The following DCAF5 variants were observed in gnomAD, a reference collection of about 807,000 sequenced individuals.
DCAF5 encodes the protein DDB1 and CUL4 associated factor 5, also known as DDB1- and CUL4-associated factor 5.
In DCAF5, 9 loss-of-function variants were observed where a neutral mutation model predicts 80.7. The ratio of observed to expected loss-of-function variants is 0.11; its 90% CI spans 0.07 to 0.19. DCAF5 has a LOEUF of 0.19. Ranked by LOEUF, DCAF5 falls within the 10% of genes least tolerant of loss-of-function variation. DCAF5 has a pLI of 1.00. For synonymous variants in DCAF5, 433 were observed against 461.9 expected, an observed-to-expected ratio of 0.94 and a Z score of 0.80; for missense variants, 842 against 1,205.7, an observed-to-expected ratio of 0.70 and a Z score of 4.47.
intron 1 of DCAF5, among the ~76,000 whole-genome samples, chr14:69,146,544 T>G (rs56788993): frequency 0.015 from 2,283 of 152,290 alleles, 44 homozygotes; most frequent in East Asian, 0.056. Flanking sequence ...AAGAGCATTT[T>G]TGCTGTATTA....
intron 7 of DCAF5, among the ~76,000 whole-genome samples, chr14:69,074,065 C>T (rs577505956): frequency 3.0e-4 from 45 of 152,320 alleles, no homozygotes; most frequent in African/African-American, 1.0e-3. Flanking sequence ...AACTAGACCA[C>T]AGCAAATGTT....
Position 69,051,935 on chromosome 14 carries a change from T to C in DCAF5, c.*1922A>G, listed in dbSNP as rs2037775734. 6.6e-6 allele frequency: 1 copy of C among 152,640 alleles called. No individual in the cohort carries two copies. The highest frequency in any genetic ancestry group is 6.5e-5 in the Admixed American group (1 of 15,286). The allele number at this position is 152,640 out of a possible 1,614,324, so 9.5% of individuals were successfully genotyped here. ...GCAAATGTAAAATGACTTGGGCTTA[T>C]AAAACCAGCATTTACAATTATCTGT... On this transcript the variant is annotated 3_prime_UTR_variant, in exon 9 of 9. Transcript: ENST00000341516.
rs1470708287 is a variant in DCAF5 at position 69,118,447 on chromosome 14, G to GT, written c.396-170dup. On this transcript the variant is annotated intron_variant, in intron 3 of 8. Coordinates refer to ENST00000341516, the MANE Select transcript of DCAF5 (RefSeq NM_003861.3). The surrounding 1 kb of genome is among the most constrained non-coding windows in gnomAD (Gnocchi z 4.0). ...TGAAAGGTAGGTAGTCAACTTTCAG[G>GT]TTAAAAAAAAGGTACTATTAAGGAG... is the stretch of plus-strand genomic sequence containing the variant. Among the ~76,000 whole-genome samples the GT allele has an allele frequency of 2.0e-5, 3 of 151,906 alleles. No individual in the cohort carries two copies. Among genetic ancestry groups the GT allele is most frequent in the South Asian group, 4.2e-4 (2 of 4,816 alleles).
chr14:69,059,725 G>A (rs529322034), intron 8 of DCAF5, among the ~76,000 whole-genome samples: 3 of 152,290 alleles, frequency 2.0e-5, no homozygotes, highest in East Asian at 3.9e-4. Context: ...GAATGGGGAT[G>A]ACACCTGTGA....
chr14:69,096,653 A>G (rs934689947), intron 5 of DCAF5, among the ~76,000 whole-genome samples: 1 of 152,154 alleles, frequency 6.6e-6, no homozygotes, highest in Non-Finnish European at 1.5e-5. Flanking sequence ...CAGGTTCCAA[A>G]AGCCCCACAG....
chr14:69,096,545 C>T (rs2039721567), intron 5 of DCAF5, among the ~76,000 whole-genome samples: 1 of 152,150 alleles, frequency 6.6e-6, no homozygotes, highest in Non-Finnish European at 1.5e-5. Flanking sequence ...ATATGGATGG[C>T]GGGCACTGCA....
chr14:69,070,730 T>C (rs2038654119), intron 7 of DCAF5, among the ~76,000 whole-genome samples: 1 of 152,222 alleles, frequency 6.6e-6, no homozygotes, highest in South Asian at 2.1e-4. Context: ...AATGGACTTC[T>C]TCTCTGCCAC....
chr14:69,055,263 C>T lies in DCAF5; in HGVS notation c.1423G>A (p.Glu475Lys). ...LPRSPPPTVD[E>K]SADNAFHLGP... ...AGGTGGAAGGCGTTGTCGGCAGACT[C>T]ATCTACTGTGGGAGGCGGGGAGCGA... is the stretch of plus-strand genomic sequence containing the variant. The change falls in exon 9 of 9, where the codon GAG becomes AAG. Residue 475 changes from glutamate to lysine, a missense_variant. Glu to Lys is a moderately conservative substitution (Grantham distance 56, BLOSUM62 1). Around this residue, in one of 5 missense-constraint regions of DCAF5, gnomAD observed 607 missense variants for 656.6 expected, o/e 0.92. Coordinates refer to ENST00000341516, the MANE Select transcript of DCAF5 (RefSeq NM_003861.3). The surrounding 1 kb of genome is among the most constrained non-coding windows in gnomAD (Gnocchi z 5.6). 6.2e-7 allele frequency: 1 copy of T among 1,614,196 alleles called. No homozygotes were observed. Among genetic ancestry groups the T allele is most frequent in the Non-Finnish European group, 8.5e-7 (1 of 1,180,034 alleles).
intron 6 of DCAF5, among the ~76,000 whole-genome samples, chr14:69,091,435 A>G (rs1440903722): frequency 6.6e-6 from 1 of 152,134 alleles, no homozygotes; most frequent in Non-Finnish European, 1.5e-5. Flanking sequence ...TGGCAGAGCT[A>G]GGTGGCTCAG....
chr14:69,134,273 T>A (rs910653905), intron 1 of DCAF5, among the ~76,000 whole-genome samples: 2 of 152,192 alleles, frequency 1.3e-5, no homozygotes, highest in Non-Finnish European at 2.9e-5. Flanking sequence ...GAGAAATGAT[T>A]TTAATAATTA....
intron 8 of DCAF5, among the ~76,000 whole-genome samples, chr14:69,058,092 G>A (rs12434775): frequency 0.31 from 46,548 of 152,108 alleles, 9,494 homozygotes; most frequent in East Asian, 0.91. Flanking sequence ...AGTACTGACC[G>A]TTCCTATTAT....
chr14:69,119,728 G>C (rs2040654513), intron 2 of DCAF5, among the ~76,000 whole-genome samples: 1 of 150,110 alleles, frequency 6.7e-6, no homozygotes, highest in South Asian at 2.1e-4. Flanking sequence ...AAGTAGGGGG[G>C]AAACAACACA....
intron 1 of DCAF5, among the ~76,000 whole-genome samples, chr14:69,129,207 G>T (rs912593667): frequency 7.2e-5 from 11 of 152,168 alleles, no homozygotes; most frequent in African/African-American, 2.7e-4. Flanking sequence ...ATCCATGGGA[G>T]ATTGGAATCA....
intron 1 of DCAF5, among the ~76,000 whole-genome samples, chr14:69,126,791 GACA>G (rs776461653): frequency 3.7e-4 from 56 of 152,172 alleles, no homozygotes; most frequent in Non-Finnish European, 7.7e-4. Context: ...ACGGAGCAAA[GACA>G]AAACAATGGA....
At chr14:69,110,538 G>T (rs2040326232) in intron 5 of DCAF5, among the ~76,000 whole-genome samples, 1 of 151,992 alleles carries the variant, frequency 6.6e-6, no homozygotes, top group Non-Finnish European at 1.5e-5. Context: ...ACAGTGCTGG[G>T]ATTACAGGCG....
intron 5 of DCAF5, among the ~76,000 whole-genome samples, chr14:69,115,885 C>T (rs1042973865): frequency 6.6e-6 from 1 of 152,110 alleles, no homozygotes; most frequent in Admixed American, 6.5e-5. Context: ...TTTGAATATA[C>T]AATATATAAT....
chr14:69,089,959 A>G, intron 6 of DCAF5: 1 of 985,454 alleles, frequency 1.0e-6, no homozygotes, highest in Non-Finnish European at 1.2e-6. Context: ...TGTTGGCTAG[A>G]GGTCTTTGTT....
chr14:69,096,382 C>T (rs1313709586), intron 5 of DCAF5, among the ~76,000 whole-genome samples: 1 of 152,220 alleles, frequency 6.6e-6, no homozygotes, highest in African/African-American at 2.4e-5. Context: ...TTCACTGCCA[C>T]ATTTCTCTGG....
At chr14:69,126,155 CTT>C (rs1192300819) in intron 1 of DCAF5, among the ~76,000 whole-genome samples, 29 of 128,646 alleles carry the variant, frequency 2.3e-4, no homozygotes, top group South Asian at 2.5e-4. Context: ...GACAGAGATT[CTT>C]TTTTTTTTTT....
Sources: gnomAD v4.1 joint callset for allele counts (sites outside exome capture counted in the v4.1 genomes callset) on GRCh38, gnomAD v4.1.1 for gene constraint, gnomAD v4.1.1 regional missense constraint, Gnocchi (gnomAD v3.1) non-coding constraint, MANE v1.5 for transcripts, NCBI Gene and HGNC (gene_info 2026-07-23, HGNC 2026-07-21) for gene names.